The following B3GALT1 variants were observed in gnomAD, a reference collection of about 807,000 sequenced individuals.
B3GALT1 encodes beta-1,3-galactosyltransferase 1, also known as UDP-Gal:betaGlcNAc beta 1,3-galactosyltransferase, polypeptide 1.
A neutral mutation model predicts 23.2 loss-of-function variants in B3GALT1; 10 were observed. The observed-to-expected ratio is 0.43, with a 90% CI of 0.27 to 0.73. The LOEUF is 0.73. Ranked by LOEUF, B3GALT1 falls within the 30% of genes least tolerant of loss-of-function variation. B3GALT1 has a pLI of 0.21. For synonymous variants in B3GALT1, 156 were observed against 141.5 expected, an observed-to-expected ratio of 1.10 and a Z score of -0.73; for missense variants, 299 against 405.4, an observed-to-expected ratio of 0.74 and a Z score of 2.25.
intron 1 of B3GALT1, among the ~76,000 whole-genome samples, chr2:167,390,897 G>C (rs566829136): frequency 3.6e-4 from 55 of 152,200 alleles, no homozygotes; most frequent in African/African-American, 1.3e-3. Context: ...ACCACATATA[G>C]AGCATCCCAT....
At chr2:167,582,309 G>A (rs1361250515) in intron 2 of B3GALT1, among the ~76,000 whole-genome samples, 2 of 152,162 alleles carry the variant, frequency 1.3e-5, no homozygotes, top group African/African-American at 2.4e-5. Context: ...TCTGCCTTGG[G>A]TTTCCAGACT....
intron 3 of B3GALT1, among the ~76,000 whole-genome samples, chr2:167,674,669 AT>A (rs1216104718): frequency 5.3e-5 from 8 of 152,234 alleles, no homozygotes; most frequent in Non-Finnish European, 8.8e-5. Flanking sequence ...TGGCAAATGC[AT>A]TGATAAACTG....
chr2:167,867,169 G>A (rs369317326), intron 4 of B3GALT1, among the ~76,000 whole-genome samples: 6,117 of 152,074 alleles, frequency 0.04, 174 homozygotes, highest in Middle Eastern at 0.065. Context: ...CTCGTGATCC[G>A]CCCCCCTTGG....
chr2:167,686,688 C>T (rs143014653), intron 3 of B3GALT1, among the ~76,000 whole-genome samples: 36 of 152,210 alleles, frequency 2.4e-4, no homozygotes, highest in African/African-American at 7.5e-4. Context: ...ATTTCTATTT[C>T]GTGCTCATGC....
At chr2:167,468,017 G>A (rs1440410096) in intron 1 of B3GALT1, among the ~76,000 whole-genome samples, 1 of 152,104 alleles carries the variant, frequency 6.6e-6, no homozygotes, top group Non-Finnish European at 1.5e-5. Context: ...AAAAAGTTTA[G>A]TAAGGGGGTG....
chr2:167,644,255 T>C (rs1307626762), intron 2 of B3GALT1, among the ~76,000 whole-genome samples: 3 of 152,158 alleles, frequency 2.0e-5, no homozygotes, highest in Non-Finnish European at 4.4e-5. Context: ...CAGATGAATG[T>C]GTTTAACTAA....
chr2:167,416,352 A>G (rs1301919529), intron 1 of B3GALT1, among the ~76,000 whole-genome samples: 1 of 152,206 alleles, frequency 6.6e-6, no homozygotes, highest in Non-Finnish European at 1.5e-5. Context: ...CTGCTTAAGA[A>G]GATACAAGTC....
intron 3 of B3GALT1, among the ~76,000 whole-genome samples, chr2:167,777,093 A>T (rs1321703355): frequency 6.6e-6 from 1 of 152,210 alleles, no homozygotes; most frequent in Non-Finnish European, 1.5e-5. Context: ...CAAACTCTCT[A>T]ATTTTTCTAA....
chr2:167,703,338 G>T (rs967057383), intron 3 of B3GALT1, among the ~76,000 whole-genome samples: 1 of 152,166 alleles, frequency 6.6e-6, no homozygotes, highest in Non-Finnish European at 1.5e-5. Flanking sequence ...TGCCTAGAAG[G>T]TATGCAAGTG....
At chr2:167,681,726 A>T (rs1018666964) in intron 3 of B3GALT1, among the ~76,000 whole-genome samples, 11 of 152,220 alleles carry the variant, frequency 7.2e-5, no homozygotes, top group African/African-American at 2.7e-4. Flanking sequence ...AAACCCATAT[A>T]TGTAGGGCCT....
intron 3 of B3GALT1, among the ~76,000 whole-genome samples, chr2:167,734,807 A>C (rs764848730): frequency 2.0e-5 from 3 of 152,148 alleles, no homozygotes; most frequent in Non-Finnish European, 4.4e-5. Context: ...ACTTCTGTTC[A>C]TCATATTTTC....
At chr2:167,862,080 A>G (rs976378950) in intron 4 of B3GALT1, among the ~76,000 whole-genome samples, 3 of 152,208 alleles carry the variant, frequency 2.0e-5, no homozygotes, top group Admixed American at 6.5e-5. Flanking sequence ...AGACATAAGA[A>G]ATCAGTGTTG....
intron 2 of B3GALT1, among the ~76,000 whole-genome samples, chr2:167,597,124 T>G (rs867646198): frequency 0.014 from 2,064 of 150,532 alleles, 65 homozygotes; most frequent in African/African-American, 0.047. Flanking sequence ...TTTGTTTTTT[T>G]TTTTTTTTTT....
intron 3 of B3GALT1, among the ~76,000 whole-genome samples, chr2:167,811,521 A>G (rs1688888282): frequency 1.3e-5 from 2 of 152,234 alleles, no homozygotes; most frequent in Admixed American, 6.5e-5. Flanking sequence ...TTCAGAGGAA[A>G]GGGCACTGTG....
At chr2:167,449,788 G>C (rs1478036703) in intron 1 of B3GALT1, among the ~76,000 whole-genome samples, 1 of 151,960 alleles carries the variant, frequency 6.6e-6, no homozygotes, top group Non-Finnish European at 1.5e-5. Context: ...TTTTGCTGAG[G>C]GTTTTATTCG....
chr2:167,656,450 T>G (rs1685957502), intron 3 of B3GALT1, among the ~76,000 whole-genome samples: 1 of 152,172 alleles, frequency 6.6e-6, no homozygotes, highest in South Asian at 2.1e-4. Flanking sequence ...TTGTACTTAG[T>G]AGAGTTGAAT....
At chr2:167,546,718 G>A (rs957485700) in intron 2 of B3GALT1, among the ~76,000 whole-genome samples, 1 of 152,132 alleles carries the variant, frequency 6.6e-6, no homozygotes, top group Non-Finnish European at 1.5e-5. Flanking sequence ...TGCTTAATGT[G>A]GAAGAACACC....
At chr2:167,468,287 C>T (rs768703755) in intron 1 of B3GALT1, among the ~76,000 whole-genome samples, 1 of 152,046 alleles carries the variant, frequency 6.6e-6, no homozygotes, top group African/African-American at 2.4e-5. Context: ...CAGTGTTGGA[C>T]AGGGACACTA....
At position 167,749,188 on chromosome 2, in the gene B3GALT1, T is replaced by A. The variant is rs1461994203; in HGVS notation, c.-351-69484T>A. Among the ~76,000 whole-genome samples, 3 of 152,198 alleles carry A rather than the reference T, an allele frequency of 2.0e-5. No individual in the cohort carries two copies. The East Asian group carries it at 5.8e-4, about 29-fold the overall frequency. The stretch of plus-strand genomic sequence containing the variant: ...GCTTCACAACCTTTTCATAGACAGA[T>A]ATTGTGTAACAAGTTAACCTTAAGG... On this transcript the variant is annotated intron_variant, in intron 3 of 4. Coordinates refer to ENST00000392690, the MANE Select transcript of B3GALT1 (RefSeq NM_020981.4).
Sources: gnomAD v4.1 joint callset for allele counts (sites outside exome capture counted in the v4.1 genomes callset) on GRCh38, gnomAD v4.1.1 for gene constraint, MANE v1.5 for transcripts, NCBI Gene and HGNC (gene_info 2026-07-23, HGNC 2026-07-21) for gene names.